The following FHIP2A variants were observed in gnomAD, a reference collection of about 807,000 sequenced individuals.
The protein encoded by FHIP2A is FHF complex subunit HOOK interacting protein 2A, also known as family with sequence similarity 160 member B1.
A neutral mutation model predicts 93.5 loss-of-function variants in FHIP2A; 46 were observed. The ratio of observed to expected loss-of-function variants is 0.49; its 90% CI spans 0.39 to 0.63. FHIP2A has a LOEUF of 0.63. FHIP2A is among the 20% of genes least tolerant of loss of function. FHIP2A has a pLI of 0.00. For missense variants in FHIP2A, 769 were observed against 909.7 expected (o/e 0.85, Z 1.99); for synonymous variants, 332 against 326.5 (o/e 1.02, Z -0.18).
chr10:114,835,597 C>G lies in FHIP2A; in HGVS notation c.355C>G (p.Arg119Gly), dbSNP rs754216183. The change falls in exon 4 of 17, where the codon CGG becomes GGG. Residue 119 changes from arginine to glycine, a missense_variant. Physicochemically the swap from Arg to Gly is moderately radical, Grantham distance 125. Transcript: ENST00000369248. ...VFYTKLLGRI[R>G]QPLLPHINVH... is the part of the protein sequence containing the mutation. ...CTATACGAAACTTCTGGGAAGAATC[C>G]GGCAGCCACTACTTCCACACATTAA... The G allele has an allele frequency of 8.1e-6, 13 of 1,612,930 alleles. No individual in the cohort carries two copies. Among genetic ancestry groups the G allele is most frequent in the Non-Finnish European group, 1.1e-5 (13 of 1,179,166 alleles).
chr10:114,846,059 T>C lies in FHIP2A; in HGVS notation c.1175T>C (p.Ile392Thr), dbSNP rs141384483. The change falls in exon 9 of 17, where the codon ATT becomes ACT. Residue 392 changes from isoleucine to threonine, a missense_variant. By Grantham distance (89) the Ile-to-Thr change is moderately conservative (BLOSUM62 -1). Transcript: ENST00000369248. ...AAAGCTGTTCATGAAAGATTTTTCATTGGTGTTATGGAACCTCAATTAATG... is the reference window on the plus strand; with the variant it reads ...AAAGCTGTTCATGAAAGATTTTTCACTGGTGTTATGGAACCTCAATTAATG... ...LAKAVHERFFIGVMEPQLMQT... is the reference protein window; with the variant it reads ...LAKAVHERFFTGVMEPQLMQT... The C allele has an allele frequency of 3.7e-4, 605 of 1,614,158 alleles. 1 individual carries two copies. Among genetic ancestry groups the C allele is most frequent in the African/African-American group, 3.3e-3 (250 of 75,064 alleles).
chr10:114,876,606 A>T (rs1424625694), intron 16 of FHIP2A, among the ~76,000 whole-genome samples: 2 of 152,182 alleles, frequency 1.3e-5, no homozygotes, highest in African/African-American at 2.4e-5. Flanking sequence ...TCGGGTTCCT[A>T]GGCCTCTTGA....
At chr10:114,826,162 G>A (rs1024250427) in intron 1 of FHIP2A, among the ~76,000 whole-genome samples, 3 of 152,190 alleles carry the variant, frequency 2.0e-5, no homozygotes, top group Non-Finnish European at 4.4e-5. Context: ...GAGTCACCAC[G>A]AAAGCCTGGC....
rs200571743 is a variant in FHIP2A, at chr10:114,855,278, G to A, written c.1885G>A (p.Ala629Thr). 6.2e-7 allele frequency: 1 copy of A among 1,613,958 alleles called. No individual in the cohort carries two copies. ...ATTGGAAAAGTGCAATTTAGAAGCT[G>A]CTTTCTTTGAAGGTCATTTTTTGAA... ...KALEKCNLEA[A>T]FFEGHFLKVL... is the part of the protein sequence containing the mutation. The change falls in exon 14 of 17, where the codon GCT becomes ACT. Residue 629 changes from alanine (A) to threonine (T), a missense_variant. Physicochemically the swap from Ala to Thr is moderately conservative, Grantham distance 58. Transcript: ENST00000369248.
chr10:114,822,986 C>T (rs989353681), intron 1 of FHIP2A, among the ~76,000 whole-genome samples: 1 of 152,196 alleles, frequency 6.6e-6, no homozygotes, highest in Non-Finnish European at 1.5e-5. Context: ...AGTAAGAATG[C>T]TAGTTGCTTC....
At chr10:114,840,679 T>A (rs2083663682) in intron 5 of FHIP2A, among the ~76,000 whole-genome samples, 1 of 152,106 alleles carries the variant, frequency 6.6e-6, no homozygotes, top group Non-Finnish European at 1.5e-5. Flanking sequence ...TTGTAACTGC[T>A]CAGATGCAGA....
Position 114,880,611 on chromosome 10 carries a change from T to C in FHIP2A, c.2193-18879T>C, listed in dbSNP as rs1039612732. Among the ~76,000 whole-genome samples, 10 of 151,562 alleles carry C rather than the reference T, an allele frequency of 6.6e-5. No individual in the cohort carries two copies. The South Asian group carries it at 2.1e-3, about 32-fold the overall frequency. On this transcript the variant is annotated intron_variant, in intron 16 of 16. Coordinates refer to the FHIP2A transcript ENST00000369250. ...AGGAGAATCACTTGAACCTGGCAGA[T>C]GGAGGTTGCAGTGAGCCGAGATCAC...
In FHIP2A at chr10:114,843,097, T is replaced by C. The variant is rs2083678722; in HGVS notation, c.687T>C (p.Pro229=). ...MEQTELEDEP[P]HQMDHLSTSL... is the part of the protein sequence containing the mutation. ...AAACAGAATTGGAAGATGAGCCTCC[T>C]CATCAGATGGATCACCTGTCCACAA... is the stretch of plus-strand genomic sequence containing the variant. The change falls in exon 6 of 17, where the codon CCT becomes CCC. Residue 229 remains proline, a synonymous_variant. Coordinates refer to ENST00000369248, the MANE Select transcript of FHIP2A (RefSeq NM_020940.4). 1 of 1,613,978 alleles carries C rather than the reference T, an allele frequency of 6.2e-7. No individual in the cohort carries two copies. The highest frequency in any genetic ancestry group is 8.5e-7 in the Non-Finnish European group (1 of 1,180,014).
chr10:114,824,280 C>G (rs1238329562), intron 1 of FHIP2A, among the ~76,000 whole-genome samples: 1 of 152,196 alleles, frequency 6.6e-6, no homozygotes, highest in Non-Finnish European at 1.5e-5. Context: ...TCCTGCTCTC[C>G]TAGTAAAGGC....
chr10:114,896,067 T>G (rs2083999841), intron 16 of FHIP2A, among the ~76,000 whole-genome samples: 1 of 152,088 alleles, frequency 6.6e-6, no homozygotes, highest in Non-Finnish European at 1.5e-5. Flanking sequence ...GAAAAAGGTG[T>G]TACTCCATGG....
At chr10:114,884,422 G>A in intron 16 of FHIP2A, among the ~76,000 whole-genome samples, 1 of 152,202 alleles carries the variant, frequency 6.6e-6, no homozygotes, top group Non-Finnish European at 1.5e-5. Flanking sequence ...CCACGTACTA[G>A]TGCTAAGAAC....
Position 114,846,156 on chromosome 10 carries a change from AC to A in FHIP2A, c.1206-17del. The A allele has an allele frequency of 6.2e-7, 1 of 1,613,628 alleles. No homozygotes were observed. Among genetic ancestry groups the A allele is most frequent in the Non-Finnish European group, 8.5e-7 (1 of 1,179,656 alleles). On this transcript the variant is annotated intron_variant, in intron 9 of 16. Transcript: ENST00000369248. ...GTCATGTTATTTTTGCCCACTGACT[AC>A]CTGTTCATTGTGCTCAGTTCTGAGA...
At chr10:114,850,556 CGT>C (rs2083728656) in intron 13 of FHIP2A, among the ~76,000 whole-genome samples, 1 of 152,008 alleles carries the variant, frequency 6.6e-6, no homozygotes, top group Admixed American at 6.6e-5. Flanking sequence ...AAAAATTATC[CGT>C]GTGTGGTGGC....
intron 16 of FHIP2A, among the ~76,000 whole-genome samples, chr10:114,883,667 C>T (rs113880401): frequency 0.032 from 4,893 of 152,212 alleles, 112 homozygotes; most frequent in Middle Eastern, 0.041. Context: ...CTGCAACCTC[C>T]GCCTCCCAGG....
Position 114,861,460 on chromosome 10 carries a change from G to T in FHIP2A, c.2218G>T (p.Gly740Cys). ...PIIDHITLLE[G>C]VIVLEEFCKE... ...TATTGACCACATCACACTGCTAGAG[G>T]GTGTGATTGTGTTAGAAGAGTTCTG... is the stretch of plus-strand genomic sequence containing the variant. Residue 740 changes from glycine (G) to cysteine (C), a missense_variant, in exon 17 of 17, where the codon GGT (glycine) becomes TGT (cysteine). By Grantham distance (159) the Gly-to-Cys change is radical. Transcript: ENST00000369248. The T allele has an allele frequency of 6.2e-7, 1 of 1,614,014 alleles. No homozygotes were observed. The highest frequency in any genetic ancestry group is 1.1e-5 in the South Asian group (1 of 91,078).
chr10:114,873,456 C>T (rs2083868646), intron 16 of FHIP2A, among the ~76,000 whole-genome samples: 1 of 152,154 alleles, frequency 6.6e-6, no homozygotes, highest in Admixed American at 6.6e-5. Flanking sequence ...CTTTCCCTCC[C>T]ATTTCCATAC....
At chr10:114,869,882 T>C (rs2083848642) in intron 16 of FHIP2A, among the ~76,000 whole-genome samples, 1 of 152,224 alleles carries the variant, frequency 6.6e-6, no homozygotes, top group African/African-American at 2.4e-5. Context: ...GCATATAATA[T>C]AATTTATATT....
chr10:114,877,358 C>T (rs1219164683), intron 16 of FHIP2A, among the ~76,000 whole-genome samples: 1 of 152,112 alleles, frequency 6.6e-6, no homozygotes, highest in Non-Finnish European at 1.5e-5. Flanking sequence ...CCATGCAGCT[C>T]CTTCAGAAAT....
At position 114,875,837 on chromosome 10, in the gene FHIP2A, G is replaced by A. The variant is rs538950798; in HGVS notation, c.2192+14503G>A. Among the ~76,000 whole-genome samples the A allele has an allele frequency of 8.7e-4, 101 of 115,764 alleles. 3 individuals are homozygous for A. The highest frequency in any genetic ancestry group is 1.5e-3 in the Non-Finnish European group (83 of 54,166). The allele number at this position is 115,764 out of a possible 152,430, so 75.9% of individuals were successfully genotyped here. On this transcript the variant is annotated intron_variant, in intron 16 of 16. Coordinates refer to the FHIP2A transcript ENST00000369250. ...AAGGAAAGAAGGTAGGAAGGTAAGA[G>A]AGAAAGAAAGAAAGAAAAAGAAAGA... is the stretch of plus-strand genomic sequence containing the variant.
Sources: gnomAD v4.1 joint callset for allele counts (sites outside exome capture counted in the v4.1 genomes callset) on GRCh38, gnomAD v4.1.1 for gene constraint, MANE v1.5 for transcripts, NCBI Gene and HGNC (gene_info 2026-07-23, HGNC 2026-07-21) for gene names.